YWHAG: variants seen among roughly 807,000 people sequenced by gnomAD.
The protein encoded by YWHAG is 14-3-3 protein gamma.
A neutral mutation model predicts 23.3 loss-of-function variants in YWHAG; 1 was observed. The observed-to-expected ratio is 0.04, with a 90% CI of 0.02 to 0.20. The LOEUF (loss-of-function observed/expected upper bound fraction) is 0.20. YWHAG is among the 10% of genes least tolerant of loss of function. YWHAG has a pLI of 1.00. For synonymous variants in YWHAG, 160 were observed against 144.0 expected, an observed-to-expected ratio of 1.11 and a Z score of -0.80; for missense variants, 151 against 338.6, an observed-to-expected ratio of 0.45 and a Z score of 4.35.
intron 1 of YWHAG, among the ~76,000 whole-genome samples, chr7:76,333,358 C>T (rs1441503361): frequency 1.3e-5 from 2 of 152,196 alleles, no homozygotes; most frequent in African/African-American, 2.4e-5. Flanking sequence ...CCACCTTGGC[C>T]GCTCAGAGTG....
chr7:76,347,526 C>T (rs986001838), intron 1 of YWHAG, among the ~76,000 whole-genome samples: 2 of 151,992 alleles, frequency 1.3e-5, no homozygotes, highest in Non-Finnish European at 1.5e-5. Flanking sequence ...GTGGAGGTTG[C>T]AGTGAGCTGA....
chr7:76,334,015 A>C (rs1803581801), intron 1 of YWHAG, among the ~76,000 whole-genome samples: 2 of 152,216 alleles, frequency 1.3e-5, no homozygotes, highest in Non-Finnish European at 2.9e-5. Flanking sequence ...TGGAACAAGG[A>C]GATTATGAAA....
Position 76,327,452 on chromosome 7 carries a change from C to T in YWHAG, c.*2125G>A, listed in dbSNP as rs1803461476. The T allele has an allele frequency of 6.6e-6, 1 of 152,532 alleles. No homozygotes were observed. The highest frequency in any genetic ancestry group is 1.5e-5 in the Non-Finnish European group (1 of 68,024). The allele number at this position is 152,532 out of a possible 1,614,324, so 9.4% of individuals were successfully genotyped here. A position where few individuals can be genotyped will look rare whatever the true frequency, so the allele number is the denominator to read the frequency against. ...ATAAAGAAAAGAAAAACCATTCAAGCTGCTTAAATATCAAGTCTCCCATTC... is the reference window on the plus strand; with the variant it reads ...ATAAAGAAAAGAAAAACCATTCAAGTTGCTTAAATATCAAGTCTCCCATTC... On this transcript the variant is annotated 3_prime_UTR_variant, in exon 2 of 2. Coordinates refer to ENST00000307630, the MANE Select transcript of YWHAG (RefSeq NM_012479.4).
intron 1 of YWHAG, among the ~76,000 whole-genome samples, chr7:76,330,954 C>A (rs528382666): frequency 6.6e-6 from 1 of 152,304 alleles, no homozygotes; most frequent in East Asian, 1.9e-4. Context: ...AGGCTAATCA[C>A]TTTCAGAAGA....
chr7:76,337,940 G>A (rs973708783), intron 1 of YWHAG, among the ~76,000 whole-genome samples: 2 of 152,112 alleles, frequency 1.3e-5, no homozygotes, highest in Admixed American at 6.6e-5. Context: ...GGCAGTCTTG[G>A]GGACTCTCAA....
At chr7:76,348,819 C>G (rs1212206865) in intron 1 of YWHAG, among the ~76,000 whole-genome samples, 2 of 151,560 alleles carry the variant, frequency 1.3e-5, no homozygotes, top group African/African-American at 4.9e-5. Flanking sequence ...GGAATACAGG[C>G]GTGAGTCAGC....
Position 76,329,432 on chromosome 7 carries a change from G to A in YWHAG, c.*145C>T. Reference sequence around the variant, plus strand: ...GGTATTTTGGCAAAAATGTCAAAGAGGCGATCAAAGACAGGACAGGTCGTG... The same window carrying A: ...GGTATTTTGGCAAAAATGTCAAAGAAGCGATCAAAGACAGGACAGGTCGTG... On this transcript the variant is annotated 3_prime_UTR_variant, in exon 2 of 2. Coordinates refer to ENST00000307630, the MANE Select transcript of YWHAG (RefSeq NM_012479.4). This position sits in a 1 kb window ranked among gnomAD's most constrained non-coding sequence, Gnocchi z 6.1. 9.2e-7 allele frequency: 1 copy of A among 1,090,376 alleles called. No homozygotes were observed. The highest frequency in any genetic ancestry group is 1.7e-5 in the South Asian group (1 of 58,678). 67.5% of individuals were successfully genotyped at this position (1,090,376 alleles called of 1,614,324 possible).
At chr7:76,338,309 T>C (rs1803643762) in intron 1 of YWHAG, among the ~76,000 whole-genome samples, 1 of 152,120 alleles carries the variant, frequency 6.6e-6, no homozygotes, top group South Asian at 2.1e-4. Context: ...AGGGAAACAT[T>C]CATTCGAGGA....
Position 76,329,489 on chromosome 7 carries a change from T to TTC in YWHAG, c.*87_*88insGA. ...TCCCTGGGAAGGTCATCCCTCCCTTTCCCTCCCCCACCCGACCCCCAACTC... is the reference window on the plus strand; with the variant it reads ...TCCCTGGGAAGGTCATCCCTCCCTTTTCCCCTCCCCCACCCGACCCCCAACTC... On this transcript the variant is annotated 3_prime_UTR_variant, in exon 2 of 2. Coordinates refer to ENST00000307630, the MANE Select transcript of YWHAG (RefSeq NM_012479.4). This position sits in a 1 kb window ranked among gnomAD's most constrained non-coding sequence, Gnocchi z 6.1. The TTC allele has an allele frequency of 1.6e-4, 165 of 1,024,148 alleles. No individual in the cohort carries two copies. Among genetic ancestry groups the TTC allele is most frequent in the East Asian group, 2.1e-4 (6 of 28,680 alleles). The allele number at this position is 1,024,148 out of a possible 1,614,324, so 63.4% of individuals were successfully genotyped here.
Position 76,330,107 on chromosome 7 carries a change from C to A in YWHAG, c.214G>T (p.Ala72Ser). ...TCAATCTTCTTCTCATTGCCGTCTG[C>A]AGATGTCTTCTGCTCAATGCTACTG... ...VISSIEQKTS[A>S]DGNEKKIEMV... Residue 72 changes from alanine (A) to serine (S), a missense_variant, in exon 2 of 2, where the codon GCA becomes TCA. Coordinates refer to ENST00000307630, the MANE Select transcript of YWHAG (RefSeq NM_012479.4). 1 of 1,614,140 alleles carries A rather than the reference C, an allele frequency of 6.2e-7. No homozygotes were observed. Among genetic ancestry groups the A allele is most frequent in the Non-Finnish European group, 8.5e-7 (1 of 1,180,042 alleles).
At chr7:76,346,018 G>A (rs1054974411) in intron 1 of YWHAG, among the ~76,000 whole-genome samples, 1 of 152,080 alleles carries the variant, frequency 6.6e-6, no homozygotes, top group Non-Finnish European at 1.5e-5. Flanking sequence ...CCTCTTCCTG[G>A]TTCTTTCAAA....
At chr7:76,355,643 G>A (rs1003714285) in intron 1 of YWHAG, among the ~76,000 whole-genome samples, 6 of 152,060 alleles carry the variant, frequency 3.9e-5, no homozygotes, top group Non-Finnish European at 7.4e-5. Context: ...TGGGGGGGAG[G>A]GGGAATGGAA....
intron 1 of YWHAG, among the ~76,000 whole-genome samples, chr7:76,346,999 C>T (rs1211290279): frequency 6.6e-6 from 1 of 152,138 alleles, no homozygotes; most frequent in Non-Finnish European, 1.5e-5. Context: ...ACTAAGCGTC[C>T]TATGCCCTCT....
intron 1 of YWHAG, among the ~76,000 whole-genome samples, chr7:76,332,886 T>C (rs1371225148): frequency 1.3e-5 from 2 of 152,166 alleles, no homozygotes; most frequent in Non-Finnish European, 2.9e-5. Context: ...GTATTTTTAG[T>C]AGAGACAGCG....
rs553873131 is a variant in YWHAG at position 76,342,859 on chromosome 7, G to A, written c.88-12626C>T. ...AACTGTTAAAAAAAATTAACCAGCC[G>A]GGCACAGTGGCTCACACCTGTAATC... On this transcript the variant is annotated intron_variant, in intron 1 of 1. Transcript: ENST00000307630. Among the ~76,000 whole-genome samples the A allele has an allele frequency of 7.6e-4, 116 of 152,042 alleles. 3 individuals are homozygous for A. The South Asian group carries it at 0.024, about 31-fold the overall frequency.
At position 76,329,723 on chromosome 7, in the gene YWHAG, C is replaced by T; in HGVS notation, c.598G>A (p.Ala200Thr). The T allele has an allele frequency of 2.5e-6, 4 of 1,614,210 alleles. No homozygotes were observed. Among genetic ancestry groups the T allele is most frequent in the Non-Finnish European group, 2.5e-6 (3 of 1,180,044 alleles). The change falls in exon 2 of 2, where the codon GCG becomes ACG. Residue 200 changes from alanine to threonine, a missense_variant. Transcript: ENST00000307630. The surrounding 1 kb of genome is among the most constrained non-coding windows in gnomAD (Gnocchi z 6.1). Reference sequence around the variant, plus strand: ...AGCTCGGCGATGGCGTCGTCGAACGCGGTCTTGGCCAAGTGGCACGCTTGC... The same window carrying T: ...AGCTCGGCGATGGCGTCGTCGAACGTGGTCTTGGCCAAGTGGCACGCTTGC... The part of the protein sequence containing the change: ...PEQACHLAKT[A>T]FDDAIAELDT...
chr7:76,340,062 C>G (rs1251627022), intron 1 of YWHAG, among the ~76,000 whole-genome samples: 1 of 152,084 alleles, frequency 6.6e-6, no homozygotes, highest in African/African-American at 2.4e-5. Context: ...GCACTCCTGC[C>G]TGGGCGACAC....
intron 1 of YWHAG, among the ~76,000 whole-genome samples, chr7:76,358,077 T>A (rs1464332704): frequency 6.6e-6 from 1 of 152,218 alleles, no homozygotes; most frequent in Non-Finnish European, 1.5e-5. Flanking sequence ...CCGGAGGACT[T>A]GCTTTGGGCG....
intron 1 of YWHAG, among the ~76,000 whole-genome samples, chr7:76,351,057 A>G (rs528126871): frequency 2.9e-4 from 44 of 152,348 alleles, no homozygotes; most frequent in Admixed American, 2.2e-3. Flanking sequence ...GAAAAAAGCA[A>G]GGTGCAAAAG....
Sources: allele counts gnomAD v4.1 joint callset (sites outside exome capture counted in the v4.1 genomes callset), GRCh38; gene constraint gnomAD v4.1.1; non-coding constraint Gnocchi (gnomAD v3.1); transcripts MANE v1.5; gene names NCBI Gene and HGNC (gene_info 2026-07-23, HGNC 2026-07-21).